The following PDE10A variants were observed in gnomAD, a reference collection of about 807,000 sequenced individuals.
PDE10A encodes the protein cAMP and cAMP-inhibited cGMP 3',5'-cyclic phosphodiesterase 10A.
In PDE10A, 39 loss-of-function variants were observed where a neutral mutation model predicts 97.7. That is an observed-to-expected ratio of 0.40 (90% CI 0.31 to 0.52). The LOEUF is 0.52. Ranked by LOEUF, PDE10A falls within the 20% of genes least tolerant of loss-of-function variation. PDE10A has a pLI of 0.56. For synonymous variants in PDE10A, 371 were observed against 376.8 expected, an observed-to-expected ratio of 0.98 and a Z score of 0.18; for missense variants, 731 against 1,047.8, an observed-to-expected ratio of 0.70 and a Z score of 4.17.
chr6:165,623,135 G>C (rs1476093243), intron 1 of PDE10A, among the ~76,000 whole-genome samples: 1 of 152,126 alleles, frequency 6.6e-6, no homozygotes, highest in Non-Finnish European at 1.5e-5. Context: ...AAATCACCCA[G>C]TCTCAGGTGT....
At chr6:165,656,437 C>T (rs1316703403) in intron 1 of PDE10A, among the ~76,000 whole-genome samples, 2 of 151,780 alleles carry the variant, frequency 1.3e-5, no homozygotes, top group Non-Finnish European at 2.9e-5. Flanking sequence ...TGGTCCAGCT[C>T]CTACCTCTTC....
intron 1 of PDE10A, among the ~76,000 whole-genome samples, chr6:165,752,067 C>T (rs945732773): frequency 6.0e-5 from 9 of 149,866 alleles, no homozygotes; most frequent in East Asian, 3.9e-4. Flanking sequence ...GATGTGAACC[C>T]GGGAGCCGGA....
In PDE10A at chr6:165,388,492, A is replaced by C; in HGVS notation, c.2455-39T>G. ...TATGATGCAGAGATGCTCAAAACAC[A>C]GAAACACACATGAGCAGACTTACCG... On this transcript the variant is annotated intron_variant, in intron 16 of 21. Coordinates refer to ENST00000539869, the MANE Select transcript of PDE10A (RefSeq NM_001385079.1). The surrounding 1 kb of genome is among the most constrained non-coding windows in gnomAD (Gnocchi z 4.0). 1 of 1,593,810 alleles carries C rather than the reference A, an allele frequency of 6.3e-7. No individual in the cohort carries two copies. Among genetic ancestry groups the C allele is most frequent in the Non-Finnish European group, 8.6e-7 (1 of 1,163,300 alleles).
At chr6:165,954,580 A>T (rs1443193552) in intron 1 of PDE10A, among the ~76,000 whole-genome samples, 8 of 152,166 alleles carry the variant, frequency 5.3e-5, no homozygotes, top group African/African-American at 1.7e-4. Flanking sequence ...GGCAGCTGCC[A>T]GCATTGTCAT....
intron 1 of PDE10A, among the ~76,000 whole-genome samples, chr6:165,842,016 A>G (rs1780276684): frequency 6.6e-6 from 1 of 152,210 alleles, no homozygotes; most frequent in African/African-American, 2.4e-5. Context: ...ATAGAATACA[A>G]AAAAGGAAAA....
At chr6:165,708,550 C>G (rs1459200704) in intron 1 of PDE10A, among the ~76,000 whole-genome samples, 1 of 151,952 alleles carries the variant, frequency 6.6e-6, no homozygotes, top group African/African-American at 2.4e-5. Context: ...AGTGCCTCCA[C>G]CCCCACGCCT....
At chr6:165,440,278 A>G (rs1023391470) in intron 5 of PDE10A, among the ~76,000 whole-genome samples, 3 of 152,188 alleles carry the variant, frequency 2.0e-5, no homozygotes, top group African/African-American at 7.2e-5. Context: ...CAATTACTAT[A>G]AACTACCAGC....
intron 1 of PDE10A, among the ~76,000 whole-genome samples, chr6:165,749,533 A>G (rs1792948459): frequency 8.8e-6 from 1 of 113,338 alleles, no homozygotes; most frequent in African/African-American, 3.3e-5. Flanking sequence ...TCTATGACCT[A>G]TTTCTACAAT....
At chr6:165,793,766 A>G (rs1778726162) in intron 1 of PDE10A, among the ~76,000 whole-genome samples, 1 of 152,310 alleles carries the variant, frequency 6.6e-6, no homozygotes, top group East Asian at 1.9e-4. Flanking sequence ...TAGTTCTCTG[A>G]TACTCAAAAT....
chr6:165,943,222 A>AAGGAAG (rs1562809695), intron 1 of PDE10A, among the ~76,000 whole-genome samples: 6 of 64,716 alleles, frequency 9.3e-5, no homozygotes, highest in African/African-American at 6.8e-5. Context: ...AAAGAAAGAA[A>AAGGAAG]GAAAGAAAGA....
chr6:165,562,608 C>T (rs1784574831), intron 1 of PDE10A, among the ~76,000 whole-genome samples: 1 of 152,120 alleles, frequency 6.6e-6, no homozygotes, highest in South Asian at 2.1e-4. Context: ...ATCTGAGTCA[C>T]AATTCTGTTT....
At chr6:165,725,876 T>G (rs1792281765) in intron 1 of PDE10A, among the ~76,000 whole-genome samples, 1 of 152,128 alleles carries the variant, frequency 6.6e-6, no homozygotes. Context: ...ACTTTCAATG[T>G]GGCAGTTTCT....
chr6:165,759,757 A>C lies in PDE10A; in HGVS notation c.-614-216189T>G, dbSNP rs536538703. ...GAGCTAATCCAACCTCCTCAGTGAA[A>C]ACGTGGAAAACCCCACCCAAAGTAG... On this transcript the variant is annotated intron_variant, in intron 1 of 19. Coordinates refer to the PDE10A transcript ENST00000366882. 2.6e-5 allele frequency among the ~76,000 whole-genome samples: 4 copies of C among 152,336 alleles called. No individual in the cohort carries two copies. In the South Asian group the frequency reaches 8.3e-4, roughly 32 times the overall value.
chr6:165,674,357 C>A (rs1350830125), intron 1 of PDE10A, among the ~76,000 whole-genome samples: 1 of 151,036 alleles, frequency 6.6e-6, no homozygotes, highest in Non-Finnish European at 1.5e-5. Flanking sequence ...GTGGTTCTGT[C>A]AGTCAGAATA....
chr6:165,721,317 A>G (rs142403800), intron 1 of PDE10A, among the ~76,000 whole-genome samples: 2 of 152,216 alleles, frequency 1.3e-5, no homozygotes, highest in Non-Finnish European at 2.9e-5. Flanking sequence ...AAAATCCTGG[A>G]TTTTGGTGTT....
At chr6:165,657,138 C>T (rs750305279) in intron 1 of PDE10A, among the ~76,000 whole-genome samples, 4 of 152,232 alleles carry the variant, frequency 2.6e-5, no homozygotes, top group Non-Finnish European at 5.9e-5. Context: ...AAGACACTGC[C>T]CTCAGGCTCT....
chr6:165,394,022 G>C (rs1319382587), intron 15 of PDE10A, among the ~76,000 whole-genome samples: 1 of 151,902 alleles, frequency 6.6e-6, no homozygotes, highest in Non-Finnish European at 1.5e-5. Flanking sequence ...ATGTTAGGTT[G>C]AAAGTTGATG....
intron 1 of PDE10A, among the ~76,000 whole-genome samples, chr6:165,633,356 GC>G (rs1176661929): frequency 8.5e-5 from 13 of 152,158 alleles, no homozygotes; most frequent in Non-Finnish European, 1.8e-4. Flanking sequence ...CTCAGAAGCG[GC>G]CACTTTAAGT....
At chr6:165,454,688 C>T (rs1777843134) in intron 3 of PDE10A, among the ~76,000 whole-genome samples, 1 of 152,128 alleles carries the variant, frequency 6.6e-6, no homozygotes. Context: ...GCTTCTCTGT[C>T]TCCAGAACTG....
Sources: allele counts gnomAD v4.1 joint callset (sites outside exome capture counted in the v4.1 genomes callset), GRCh38; gene constraint gnomAD v4.1.1; non-coding constraint Gnocchi (gnomAD v3.1); transcripts MANE v1.5; gene names NCBI Gene and HGNC (gene_info 2026-07-23, HGNC 2026-07-21).